NRXN1: variants seen among roughly 807,000 people sequenced by gnomAD.
NRXN1 encodes neurexin 1.
Under a neutral mutation model 150.9 loss-of-function variants are expected in NRXN1, and 39 were observed. That is an observed-to-expected ratio of 0.26 (90% confidence interval 0.20 to 0.34). The LOEUF is 0.34. Among genes scored for constraint, NRXN1 ranks in the 10% least tolerant of loss-of-function variants. NRXN1 has a pLI of 1.00. For synonymous variants in NRXN1, 924 were observed against 757.0 expected (o/e 1.22, Z -3.62); for missense variants, 1,815 against 1,949.9 (o/e 0.93, Z 1.30).
At chr2:50,840,264 A>G (rs921715625) in intron 5 of NRXN1, among the ~76,000 whole-genome samples, 5 of 152,148 alleles carry the variant, frequency 3.3e-5, no homozygotes, top group African/African-American at 7.2e-5. Context: ...TAACCACTTT[A>G]AGCAGCAACT....
intron 17 of NRXN1, among the ~76,000 whole-genome samples, chr2:50,309,962 G>A (rs1048483785): frequency 2.0e-5 from 3 of 152,108 alleles, no homozygotes; most frequent in South Asian, 2.1e-4. Flanking sequence ...TCCTTCCAAG[G>A]CTAGAGGCCT....
intron 8 of NRXN1, among the ~76,000 whole-genome samples, chr2:50,580,305 T>A (rs1339194655): frequency 6.6e-6 from 1 of 152,146 alleles, no homozygotes; most frequent in Non-Finnish European, 1.5e-5. Context: ...ATCCTTCCTA[T>A]AAATCCCCAC....
chr2:50,610,754 T>TTACA (rs1553880324), intron 8 of NRXN1, among the ~76,000 whole-genome samples: 4 of 127,946 alleles, frequency 3.1e-5, no homozygotes, highest in African/African-American at 1.1e-4. Flanking sequence ...GTAATTATAT[T>TTACA]TATATATATA....
intron 5 of NRXN1, among the ~76,000 whole-genome samples, chr2:50,841,483 G>A (rs1310572362): frequency 6.6e-6 from 1 of 152,148 alleles, no homozygotes; most frequent in Non-Finnish European, 1.5e-5. Context: ...AAGTGACAAT[G>A]TTACATATGT....
intron 17 of NRXN1, among the ~76,000 whole-genome samples, chr2:50,391,820 T>C (rs995441045): frequency 6.6e-6 from 1 of 152,152 alleles, no homozygotes; most frequent in Non-Finnish European, 1.5e-5. Context: ...CAATTGAAAG[T>C]AATTTCCTCA....
At chr2:50,252,773 G>GT (rs2067259776) in intron 17 of NRXN1, among the ~76,000 whole-genome samples, 1 of 151,998 alleles carries the variant, frequency 6.6e-6, no homozygotes, top group Non-Finnish European at 1.5e-5. Flanking sequence ...TGTTCCATTA[G>GT]TCTATGTGTC....
At chr2:50,235,136 G>T (rs1056830659) in intron 18 of NRXN1, among the ~76,000 whole-genome samples, 2 of 152,016 alleles carry the variant, frequency 1.3e-5, no homozygotes, top group Non-Finnish European at 2.9e-5. Flanking sequence ...AGAAGGAAAA[G>T]GCCCTTGTTT....
chr2:50,156,206 G>A (rs1217763704), intron 18 of NRXN1, among the ~76,000 whole-genome samples: 1 of 151,768 alleles, frequency 6.6e-6, no homozygotes, highest in Non-Finnish European at 1.5e-5. Context: ...GTCATATAAT[G>A]TAAAATGAAT....
chr2:50,537,621 C>A (rs17040809), intron 10 of NRXN1, among the ~76,000 whole-genome samples: 3,789 of 152,268 alleles, frequency 0.025, 56 homozygotes, highest in East Asian at 0.066. Context: ...TAAGTCTTAA[C>A]AGCAAATTGG....
chr2:49,972,567 C>T (rs1166190499), intron 21 of NRXN1: 3 of 152,122 alleles, frequency 2.0e-5, no homozygotes, highest in South Asian at 2.1e-4. Context: ...TATTTCGATG[C>T]TACTAACTAA....
At chr2:50,747,858 G>A (rs1700180958) in intron 5 of NRXN1, among the ~76,000 whole-genome samples, 2 of 152,104 alleles carry the variant, frequency 1.3e-5, no homozygotes, top group Admixed American at 6.6e-5. Context: ...CACTGTGGTT[G>A]AGCAACTTGC....
intron 9 of NRXN1, among the ~76,000 whole-genome samples, chr2:50,549,024 T>A (rs2093555503): frequency 6.6e-6 from 1 of 152,146 alleles, no homozygotes; most frequent in Non-Finnish European, 1.5e-5. Context: ...TACCCTCTTG[T>A]CATAGCAGTA....
intron 12 of NRXN1, among the ~76,000 whole-genome samples, chr2:50,507,570 T>C (rs1246514484): frequency 1.4e-5 from 2 of 144,774 alleles, no homozygotes; most frequent in Non-Finnish European, 3.0e-5. Flanking sequence ...AGCAGAGACA[T>C]ATTATTTCAG....
chr2:50,187,688 T>C (rs1045380514), intron 18 of NRXN1, among the ~76,000 whole-genome samples: 1 of 152,136 alleles, frequency 6.6e-6, no homozygotes, highest in South Asian at 2.1e-4. Flanking sequence ...TTGGGCAGTA[T>C]GGCCATTTTC....
chr2:50,744,230 T>G (rs182248616), intron 5 of NRXN1, among the ~76,000 whole-genome samples: 142 of 152,204 alleles, frequency 9.3e-4, no homozygotes, highest in African/African-American at 3.3e-3. Flanking sequence ...TTATAATAAT[T>G]TGGTAAAAAC....
At chr2:51,004,534 G>T (rs559871652) in intron 2 of NRXN1, among the ~76,000 whole-genome samples, 1 of 151,846 alleles carries the variant, frequency 6.6e-6, no homozygotes, top group Admixed American at 6.6e-5. Context: ...ATAAGCATTT[G>T]TAGGAGGCTG....
chr2:50,588,825 C>T (rs1256022864), intron 8 of NRXN1: 1 of 152,114 alleles, frequency 6.6e-6, no homozygotes, highest in Non-Finnish European at 1.5e-5. Flanking sequence ...CAACTAAATA[C>T]TTTGACGCCA....
At chr2:50,410,540 C>T (rs995419253) in intron 17 of NRXN1, among the ~76,000 whole-genome samples, 1 of 152,184 alleles carries the variant, frequency 6.6e-6, no homozygotes, top group African/African-American at 2.4e-5. Flanking sequence ...CACACTCATT[C>T]TCCCAAAGAC....
chr2:50,679,675 A>G (rs1466027138), intron 5 of NRXN1, among the ~76,000 whole-genome samples: 1 of 152,198 alleles, frequency 6.6e-6, no homozygotes, highest in Non-Finnish European at 1.5e-5. Flanking sequence ...AAATAAAATT[A>G]TCTTTATTCT....
Sources: allele counts gnomAD v4.1 joint callset (sites outside exome capture counted in the v4.1 genomes callset), GRCh38; gene constraint gnomAD v4.1.1; transcripts MANE v1.5; gene names NCBI Gene and HGNC (gene_info 2026-07-23, HGNC 2026-07-21).